The following ELAPOR2 variants were observed in gnomAD, a reference collection of about 807,000 sequenced individuals.
ELAPOR2 encodes the protein endosome-lysosome associated apoptosis and autophagy regulator family member 2, also known as endosome/lysosome-associated apoptosis and autophagy regulator family member 2.
A neutral mutation model predicts 120.7 loss-of-function variants in ELAPOR2; 89 were observed. That is an observed-to-expected ratio of 0.74 (90% confidence interval 0.62 to 0.88). ELAPOR2 has a LOEUF of 0.88. Ranked by LOEUF, ELAPOR2 falls within the 40% of genes least tolerant of loss-of-function variation. The probability of loss-of-function intolerance (pLI) is 0.00; values close to 1 mark genes in which losing one functional copy is unlikely to be tolerated. For synonymous variants in ELAPOR2, 444 were observed against 444.9 expected (o/e 1.00, Z 0.03); for missense variants, 1,134 against 1,251.6 (o/e 0.91, Z 1.42).
At chr7:86,951,763 C>T (rs1165493953) in intron 2 of ELAPOR2, among the ~76,000 whole-genome samples, 2 of 152,204 alleles carry the variant, frequency 1.3e-5, no homozygotes, top group Admixed American at 6.5e-5. Flanking sequence ...CCAATCAATA[C>T]CTAACCTTGT....
intron 14 of ELAPOR2, 40 bp downstream of exon 14, chr7:86,912,901 T>C (rs1284673196): frequency 6.2e-7 from 1 of 1,600,422 alleles, no homozygotes; most frequent in African/African-American, 1.3e-5. Context: ...TCTATTAAAA[T>C]GTGCTTTCAT....
At chr7:86,886,123 T>C (rs1799677374) in intron 21 of ELAPOR2, among the ~76,000 whole-genome samples, 1 of 152,114 alleles carries the variant, frequency 6.6e-6, no homozygotes, top group Non-Finnish European at 1.5e-5. Flanking sequence ...ACAGAGGTGG[T>C]TGATAAACCC....
chr7:87,057,955 T>A (rs1044454518), intron 1 of ELAPOR2, among the ~76,000 whole-genome samples: 1 of 152,218 alleles, frequency 6.6e-6, no homozygotes, highest in Non-Finnish European at 1.5e-5. Flanking sequence ...CAGCTTTCTG[T>A]GGAAACCTGG....
At chr7:86,914,673 G>T (rs1789476095) in intron 13 of ELAPOR2, 50 bp downstream of exon 13, 16 of 1,506,458 alleles carry the variant, frequency 1.1e-5, no homozygotes, top group Non-Finnish European at 1.4e-5. Flanking sequence ...CTCCACAAGG[G>T]GGCATCATTA....
intron 1 of ELAPOR2, among the ~76,000 whole-genome samples, chr7:87,013,209 C>T (rs569543074): frequency 1.3e-5 from 2 of 152,114 alleles, no homozygotes; most frequent in African/African-American, 4.8e-5. Flanking sequence ...GAATGAAGCT[C>T]AAGATATTAA....
intron 1 of ELAPOR2, among the ~76,000 whole-genome samples, chr7:87,058,893 G>A (rs200267464): frequency 2.0e-5 from 3 of 152,114 alleles, no homozygotes; most frequent in African/African-American, 4.8e-5. Context: ...AGACAGGGGA[G>A]TGGAGACAGG....
chr7:86,892,903 C>G lies in ELAPOR2; in HGVS notation c.2864+19G>C, dbSNP rs1278398914. The G allele has an allele frequency of 2.0e-6, 3 of 1,479,242 alleles. No homozygotes were observed. In the South Asian group the frequency reaches 4.5e-5, roughly 22 times the overall value. 91.6% of individuals were successfully genotyped at this position (1,479,242 alleles called of 1,614,324 possible). On this transcript the variant is annotated intron_variant, in intron 20 of 21. Transcript: ENST00000450689. ...ATAGGCCCTCTAGCTCTCTTGTGATCATCTCAGAGGGTACTTACTTTTGAT... is the reference window on the plus strand; with the variant it reads ...ATAGGCCCTCTAGCTCTCTTGTGATGATCTCAGAGGGTACTTACTTTTGAT...
At chr7:86,953,882 T>A (rs1000923104) in intron 2 of ELAPOR2, among the ~76,000 whole-genome samples, 1 of 152,076 alleles carries the variant, frequency 6.6e-6, no homozygotes, top group African/African-American at 2.4e-5. Flanking sequence ...AGTGAAAGAG[T>A]GATATTTAAA....
intron 1 of ELAPOR2, among the ~76,000 whole-genome samples, chr7:86,998,080 C>CA (rs958733895): frequency 9.9e-5 from 15 of 151,578 alleles, no homozygotes; most frequent in East Asian, 1.9e-4. Flanking sequence ...ACATATTTAT[C>CA]AAAAAAAAGT....
chr7:86,983,155 T>G (rs1792574402), intron 1 of ELAPOR2, among the ~76,000 whole-genome samples: 1 of 151,942 alleles, frequency 6.6e-6, no homozygotes, highest in African/African-American at 2.4e-5. Flanking sequence ...TAAAAAGAAA[T>G]GAACAAAGAC....
intron 1 of ELAPOR2, among the ~76,000 whole-genome samples, chr7:86,985,619 G>C (rs777579875): frequency 2.0e-5 from 3 of 152,060 alleles, no homozygotes; most frequent in Admixed American, 6.5e-5. Context: ...ATGCAGAAAA[G>C]GCCTTCAACA....
At chr7:87,051,179 A>C (rs1795089277) in intron 1 of ELAPOR2, among the ~76,000 whole-genome samples, 1 of 152,212 alleles carries the variant, frequency 6.6e-6, no homozygotes, top group African/African-American at 2.4e-5. Flanking sequence ...CAGGAGGGCC[A>C]AGAATAAATC....
At chr7:86,901,506 T>A (rs925412521) in intron 18 of ELAPOR2, among the ~76,000 whole-genome samples, 1 of 152,236 alleles carries the variant, frequency 6.6e-6, no homozygotes, top group Non-Finnish European at 1.5e-5. Flanking sequence ...TTAATACTGA[T>A]CCTATTATTA....
At chr7:86,969,066 C>T (rs1364723114) in intron 1 of ELAPOR2, among the ~76,000 whole-genome samples, 1 of 152,144 alleles carries the variant, frequency 6.6e-6, no homozygotes, top group Non-Finnish European at 1.5e-5. Flanking sequence ...AAAAATTACC[C>T]TTCCATATAA....
chr7:86,925,523 C>T lies in ELAPOR2; in HGVS notation c.1399+5G>A. Reference sequence around the variant, plus strand: ...ATACATCAAGTAGGCTGATTTTGAACTTACCATTCATTCCATCGCACTTTG... The same window carrying T: ...ATACATCAAGTAGGCTGATTTTGAATTTACCATTCATTCCATCGCACTTTG... On this transcript the variant is annotated splice_donor_5th_base_variant and intron_variant, in intron 10 of 21. Transcript: ENST00000450689. 1.2e-6 allele frequency: 2 copies of T among 1,611,072 alleles called. No individual in the cohort carries two copies. The highest frequency in any genetic ancestry group is 1.7e-6 in the Non-Finnish European group (2 of 1,177,998).
intron 1 of ELAPOR2, among the ~76,000 whole-genome samples, chr7:87,036,804 G>A (rs1794601841): frequency 6.6e-6 from 1 of 152,130 alleles, no homozygotes; most frequent in Non-Finnish European, 1.5e-5. Context: ...AAAAGCAGGG[G>A]CAAGGGTTGA....
chr7:86,896,034 C>T (rs1363324419), intron 19 of ELAPOR2, among the ~76,000 whole-genome samples: 1 of 152,086 alleles, frequency 6.6e-6, no homozygotes, highest in Non-Finnish European at 1.5e-5. Context: ...AGTGTGCTAG[C>T]TGAGTGAGCG....
intron 1 of ELAPOR2, among the ~76,000 whole-genome samples, chr7:86,981,898 T>C (rs1380927984): frequency 6.6e-6 from 1 of 152,200 alleles, no homozygotes; most frequent in African/African-American, 2.4e-5. Flanking sequence ...GGATTTCCCT[T>C]TCCTAGCCAA....
chr7:86,892,631 A>C (rs1788219175), intron 20 of ELAPOR2, among the ~76,000 whole-genome samples: 2 of 152,038 alleles, frequency 1.3e-5, no homozygotes, highest in Admixed American at 1.3e-4. Context: ...TGCCTTCCAA[A>C]TCTCAGCTCT....
Sources: allele counts gnomAD v4.1 joint callset (sites outside exome capture counted in the v4.1 genomes callset), GRCh38; gene constraint gnomAD v4.1.1; transcripts MANE v1.5; gene names NCBI Gene and HGNC (gene_info 2026-07-23, HGNC 2026-07-21).